CCDC28A: variants seen among roughly 807,000 people sequenced by gnomAD.
CCDC28A encodes the protein coiled-coil domain containing 28A, also known as coiled-coil domain-containing protein 28A.
In CCDC28A, 24 loss-of-function variants were observed where a neutral mutation model predicts 22.1. That is an observed-to-expected ratio of 1.09 (90% confidence interval 0.79 to 1.53). CCDC28A has a LOEUF of 1.53. CCDC28A is among the 40% of genes most tolerant of loss of function. The probability of loss-of-function intolerance (pLI) is 0.00; values close to 1 mark genes in which losing one functional copy is unlikely to be tolerated. For synonymous variants in CCDC28A, 83 were observed against 74.7 expected (o/e 1.11, Z -0.57); for missense variants, 170 against 210.7 (o/e 0.81, Z 1.20).
Position 138,788,568 on chromosome 6 carries a change from C to CTTTTTTTTTTTT in CCDC28A, c.500+192_500+203dup, listed in dbSNP as rs3070099. Among the ~76,000 whole-genome samples, 311 of 92,870 alleles carry CTTTTTTTTTTTT rather than the reference C, an allele frequency of 3.3e-3. 3 individuals carry two copies. The highest frequency in any genetic ancestry group is 4.1e-3 in the Non-Finnish European group (194 of 46,866). The allele number at this position is 92,870 out of a possible 152,430, so 60.9% of individuals were successfully genotyped here. ...TTCTTTTCTTTCTCTTTTTTCTTTT[C>CTTTTTTTTTTTT]TTTTTTTTTTTTTTTTTTTTTTTCA... On this transcript the variant is annotated intron_variant, in intron 5 of 5. Coordinates refer to ENST00000617445, the MANE Select transcript of CCDC28A (RefSeq NM_015439.3).
chr6:138,775,325 A>G (rs1212350806), intron 1 of CCDC28A, among the ~76,000 whole-genome samples: 2 of 152,180 alleles, frequency 1.3e-5, no homozygotes, highest in Non-Finnish European at 2.9e-5. Flanking sequence ...GAGGCCTTAC[A>G]CGTATTCCGC....
Position 138,792,734 on chromosome 6 carries a change from A to C in CCDC28A, c.501-15A>C. On this transcript the variant is annotated splice_polypyrimidine_tract_variant and intron_variant, in intron 5 of 5. Coordinates refer to ENST00000617445, the MANE Select transcript of CCDC28A (RefSeq NM_015439.3). ...CCCCTTATAGAATGAAAATCTTCTT[A>C]ACTGATTAATTCAGACAAAAACTCC... The C allele has an allele frequency of 6.4e-7, 1 of 1,561,686 alleles. No individual in the cohort carries two copies. Among genetic ancestry groups the C allele is most frequent in the African/African-American group, 1.3e-5 (1 of 74,204 alleles).
chr6:138,775,825 G>A (rs1774922295), intron 1 of CCDC28A, among the ~76,000 whole-genome samples: 1 of 152,116 alleles, frequency 6.6e-6, no homozygotes, highest in South Asian at 2.1e-4. Flanking sequence ...AAGAGAATCA[G>A]TAAATATTTG....
chr6:138,788,231 GAT>G, intron 4 of CCDC28A, 133 bp from the exon 5 acceptor site: 1 of 384,366 alleles, frequency 2.6e-6, no homozygotes, highest in Non-Finnish European at 4.7e-6. Flanking sequence ...AAAGTGCCAG[GAT>G]TATAAGCACG....
At chr6:138,777,815 A>G (rs1774957771) in intron 2 of CCDC28A, among the ~76,000 whole-genome samples, 1 of 152,216 alleles carries the variant, frequency 6.6e-6, no homozygotes, top group Admixed American at 6.5e-5. Context: ...AAACTTCCAA[A>G]TTTGAGAGGA....
intron 3 of CCDC28A, among the ~76,000 whole-genome samples, chr6:138,783,163 C>G (rs909829322): frequency 6.6e-6 from 1 of 151,264 alleles, no homozygotes; most frequent in Non-Finnish European, 1.5e-5. Flanking sequence ...GTTGCTCATG[C>G]TTCATGCCAT....
rs1489352532 is a variant in CCDC28A at position 138,789,677 on chromosome 6, T to A, written c.500+1289T>A. ...CTCTCTTTACTAAAAATACAAAAAT[T>A]AGCCAGGTGTGGTGGAGGGCGCCTG... On this transcript the variant is annotated intron_variant, in intron 5 of 5. Transcript: ENST00000617445. 2.0e-5 allele frequency among the ~76,000 whole-genome samples: 3 copies of A among 151,774 alleles called. No individual in the cohort carries two copies. The East Asian group carries it at 5.8e-4, about 29-fold the overall frequency.
chr6:138,780,793 C>T (rs1158241218), intron 3 of CCDC28A, among the ~76,000 whole-genome samples: 1 of 152,048 alleles, frequency 6.6e-6, no homozygotes, highest in African/African-American at 2.4e-5. Flanking sequence ...GGATGGGTCT[C>T]CATCTCCTGA....
Position 138,792,698 on chromosome 6 carries a change from T to TAAAAG in CCDC28A, c.501-48_501-44dup, listed in dbSNP as rs769576354. The TAAAAG allele has an allele frequency of 1.6e-5, 18 of 1,121,952 alleles. No individual in the cohort carries two copies. In the East Asian group the frequency reaches 4.0e-4, roughly 25 times the overall value. The allele number at this position is 1,121,952 out of a possible 1,614,324, so 69.5% of individuals were successfully genotyped here. ...CTCCTGAATGTAATTTTCAGAAATG[T>TAAAAG]AAAAGAAGTACCCCTTATAGAATGA... On this transcript the variant is annotated intron_variant, in intron 5 of 5. Transcript: ENST00000617445.
intron 5 of CCDC28A, 146 bp downstream of exon 5, chr6:138,788,534 T>A: frequency 5.3e-6 from 2 of 379,986 alleles, no homozygotes; most frequent in Non-Finnish European, 1.0e-5. Context: ...TCACTCTTCC[T>A]CTTTGGTTTT....
chr6:138,791,045 A>T (rs1775161988), intron 5 of CCDC28A, among the ~76,000 whole-genome samples: 1 of 152,116 alleles, frequency 6.6e-6, no homozygotes, highest in Admixed American at 6.5e-5. Flanking sequence ...AAATATCTCA[A>T]TTTTTATAAT....
intron 4 of CCDC28A, 48 bp downstream of exon 4, chr6:138,785,429 C>G (rs962786050): frequency 1.4e-6 from 2 of 1,391,692 alleles, no homozygotes; most frequent in Non-Finnish European, 2.0e-6. Flanking sequence ...ATTTTTGTTG[C>G]GAAAAAATGT....
At chr6:138,785,429 C>T (rs962786050) in intron 4 of CCDC28A, 48 bp downstream of exon 4, 43 of 1,391,690 alleles carry the variant, frequency 3.1e-5, no homozygotes, top group East Asian at 4.6e-5. Flanking sequence ...ATTTTTGTTG[C>T]GAAAAAATGT....
chr6:138,783,622 T>C (rs986580205), intron 3 of CCDC28A, among the ~76,000 whole-genome samples: 5 of 151,816 alleles, frequency 3.3e-5, no homozygotes, highest in Admixed American at 3.3e-4. Context: ...TATTTTTTAG[T>C]GGAGACGGGG....
At chr6:138,780,648 C>T (rs1038878905) in intron 3 of CCDC28A, among the ~76,000 whole-genome samples, 1 of 149,354 alleles carries the variant, frequency 6.7e-6, no homozygotes. Context: ...GATCTCGGCT[C>T]ACTGCAACCT....
chr6:138,784,544 T>C (rs749085956), intron 3 of CCDC28A, among the ~76,000 whole-genome samples: 3 of 151,796 alleles, frequency 2.0e-5, no homozygotes. Flanking sequence ...AATTTTTTTG[T>C]AGGGGTAGGG....
Position 138,792,462 on chromosome 6 carries a change from C to T in CCDC28A, c.501-287C>T, listed in dbSNP as rs927452155. 2.6e-5 allele frequency among the ~76,000 whole-genome samples: 4 copies of T among 151,442 alleles called. No individual in the cohort carries two copies. In the South Asian group the frequency reaches 8.3e-4, roughly 31 times the overall value. On this transcript the variant is annotated intron_variant, in intron 5 of 5. Coordinates refer to ENST00000617445, the MANE Select transcript of CCDC28A (RefSeq NM_015439.3). Reference sequence around the variant, plus strand: ...GCTTGAGCCCAGGAGTTCAAGGCTACAGTGAAGTATGATCGTATTACTGCA... The same window carrying T: ...GCTTGAGCCCAGGAGTTCAAGGCTATAGTGAAGTATGATCGTATTACTGCA...
chr6:138,773,993 G>T lies in CCDC28A; in HGVS notation c.-43+91G>T, dbSNP rs1774885946. ...ACTGCTGGGTACTGGGCGGTGAAGG[G>T]TCATCGCTTCGGTAGATTGGGGAAG... On this transcript the variant is annotated intron_variant, in intron 1 of 5. Transcript: ENST00000617445. 2.0e-6 allele frequency: 3 copies of T among 1,469,654 alleles called. No individual in the cohort carries two copies. The South Asian group carries it at 3.5e-5, about 17-fold the overall frequency. The allele number at this position is 1,469,654 out of a possible 1,614,324, so 91.0% of individuals were successfully genotyped here.
chr6:138,783,849 C>A (rs963903559), intron 3 of CCDC28A, among the ~76,000 whole-genome samples: 1 of 149,424 alleles, frequency 6.7e-6, no homozygotes, highest in Non-Finnish European at 1.5e-5. Flanking sequence ...AGATTACAGG[C>A]GTGAGCCACC....
Sources: gnomAD v4.1 joint callset for allele counts (sites outside exome capture counted in the v4.1 genomes callset) on GRCh38, gnomAD v4.1.1 for gene constraint, MANE v1.5 for transcripts, NCBI Gene and HGNC (gene_info 2026-07-23, HGNC 2026-07-21) for gene names.